The following LRCH3 variants were observed in gnomAD, a reference collection of about 807,000 sequenced individuals.
The protein encoded by LRCH3 is DISP complex protein LRCH3.
Under a neutral mutation model 104.5 loss-of-function variants are expected in LRCH3, and 68 were observed. The observed-to-expected ratio is 0.65, with a 90% confidence interval of 0.54 to 0.80. The LOEUF (loss-of-function observed/expected upper bound fraction) is 0.80, where lower values mean the gene tolerates loss of function less well. LRCH3 is among the 30% of genes least tolerant of loss of function. LRCH3 has a pLI of 0.00. For synonymous variants in LRCH3, 344 were observed against 361.3 expected (o/e 0.95, Z 0.54); for missense variants, 951 against 953.9 (o/e 1.00, Z 0.04).
chr3:197,845,557 A>G (rs932838911), intron 10 of LRCH3, among the ~76,000 whole-genome samples: 42 of 152,030 alleles, frequency 2.8e-4, no homozygotes, highest in Non-Finnish European at 5.9e-5. Context: ...TTCAAGCAAT[A>G]TTTCTTAAGC....
chr3:197,826,541 A>G (rs1050447611), intron 4 of LRCH3, among the ~76,000 whole-genome samples: 6 of 152,154 alleles, frequency 3.9e-5, no homozygotes, highest in Non-Finnish European at 5.9e-5. Flanking sequence ...GGGGCTGTTG[A>G]CCCAGGCATT....
At chr3:197,847,338 T>G in intron 10 of LRCH3, 71 bp from the exon 11 acceptor site, 1 of 1,380,164 alleles carries the variant, frequency 7.2e-7, no homozygotes, top group Non-Finnish European at 1.0e-6. Flanking sequence ...AAAAATTTCA[T>G]TTGTTTTTTA....
At chr3:197,813,610 A>G (rs6583265) in intron 1 of LRCH3, among the ~76,000 whole-genome samples, 130,390 of 148,350 alleles carry the variant, frequency 0.88, 57,265 homozygotes, top group East Asian at 0.99. Flanking sequence ...TGCTCACTGC[A>G]ACCTCTGCCT....
chr3:197,834,958 A>C (rs965618712), intron 8 of LRCH3, among the ~76,000 whole-genome samples: 3 of 152,182 alleles, frequency 2.0e-5, no homozygotes, highest in Non-Finnish European at 2.9e-5. Flanking sequence ...AGCCTGGCCA[A>C]CATGGTGAAA....
rs1560582941 is a variant in LRCH3, at chr3:197,854,382, ATC to A, written c.1591-5_1591-4del. 3.1e-6 allele frequency: 5 copies of A among 1,613,718 alleles called. No individual in the cohort carries two copies. The South Asian group carries it at 5.5e-5, about 18-fold the overall frequency. On this transcript the variant is annotated splice_region_variant and splice_polypyrimidine_tract_variant and intron_variant, in intron 13 of 20. Coordinates refer to ENST00000425562, the MANE Select transcript of LRCH3 (RefSeq NM_001365715.1). This position sits in a 1 kb window ranked among gnomAD's most constrained non-coding sequence, Gnocchi z 4.5. ...TTCTGACATGGCTTCATTTTTCTCC[ATC>A]TCTCCAGTGCCCCTTCCCATCCAGA...
intron 3 of LRCH3, among the ~76,000 whole-genome samples, chr3:197,819,534 G>C (rs1734248087): frequency 6.6e-6 from 1 of 151,750 alleles, no homozygotes. Context: ...TGGTCAACAT[G>C]ATGAAACCCC....
chr3:197,882,205 C>T, intron 20 of LRCH3: 1 of 985,416 alleles, frequency 1.0e-6, no homozygotes. Context: ...ACCGGCCGCG[C>T]AGGTCCTAGG....
intron 18 of LRCH3, 21 bp downstream of exon 18, chr3:197,870,299 T>A: frequency 1.9e-6 from 3 of 1,605,272 alleles, no homozygotes; most frequent in Non-Finnish European, 2.6e-6. Flanking sequence ...TACCTTTGAT[T>A]TACACTTTTT....
rs552680499 is a variant in LRCH3 at position 197,815,864 on chromosome 3, G to T, written c.407+812G>T. 2.0e-5 allele frequency among the ~76,000 whole-genome samples: 3 copies of T among 152,266 alleles called. No individual in the cohort carries two copies. The South Asian group carries it at 6.2e-4, about 31-fold the overall frequency. On this transcript the variant is annotated intron_variant, in intron 2 of 20. Transcript: ENST00000425562. Reference sequence around the variant, plus strand: ...AAATATAAAGGAAATTCATCAAAATGTATCTTAATTTTATAAGTGATCTTT... The same window carrying T: ...AAATATAAAGGAAATTCATCAAAATTTATCTTAATTTTATAAGTGATCTTT...
chr3:197,886,986 A>G lies in LRCH3; in HGVS notation c.*3320A>G, dbSNP rs551891395. ...TATGAAACCTTATTAATGTATTTTT[A>G]TCAAACTAAATCAGATTTGTATTTG... On this transcript the variant is annotated 3_prime_UTR_variant, in exon 21 of 21. Coordinates refer to ENST00000425562, the MANE Select transcript of LRCH3 (RefSeq NM_001365715.1). 2 of 152,334 alleles carry G rather than the reference A, an allele frequency of 1.3e-5. No individual in the cohort carries two copies. Among genetic ancestry groups the G allele is most frequent in the East Asian group, 3.9e-4 (2 of 5,188 alleles). The allele number at this position is 152,334 out of a possible 1,614,324, so 9.4% of individuals were successfully genotyped here. A position where few individuals can be genotyped will look rare whatever the true frequency, so the allele number is the denominator to read the frequency against.
intron 5 of LRCH3, among the ~76,000 whole-genome samples, chr3:197,828,076 C>CA (rs11396052): frequency 0.87 from 111,903 of 129,218 alleles, 48,094 homozygotes; most frequent in East Asian, 0.93. Context: ...GACTCCGTCT[C>CA]AAAAAAAAAA....
At chr3:197,866,014 T>C in intron 16 of LRCH3, 98 bp from the exon 17 acceptor site, 1 of 854,740 alleles carries the variant, frequency 1.2e-6, no homozygotes, top group South Asian at 1.5e-5. Context: ...TTTATATCAT[T>C]GCCATGTTTA....
At chr3:197,821,801 G>A (rs914466385) in intron 4 of LRCH3, among the ~76,000 whole-genome samples, 1 of 152,202 alleles carries the variant, frequency 6.6e-6, no homozygotes. Flanking sequence ...CAGCCTCCCA[G>A]GTAGCTTAGA....
At chr3:197,793,574 G>C (rs2109082987) in intron 1 of LRCH3, among the ~76,000 whole-genome samples, 1 of 152,308 alleles carries the variant, frequency 6.6e-6, no homozygotes, top group Non-Finnish European at 1.5e-5. Flanking sequence ...CTTTTCAGTA[G>C]GTCTAGGAGC....
chr3:197,848,667 T>C (rs1201130711), intron 12 of LRCH3, among the ~76,000 whole-genome samples: 2 of 152,244 alleles, frequency 1.3e-5, no homozygotes, highest in African/African-American at 4.8e-5. Flanking sequence ...GTAAGAACCA[T>C]GTCTGTTTTA....
At chr3:197,870,112 C>T (rs752273664) in intron 17 of LRCH3, 48 bp from the exon 18 acceptor site, 13 of 1,596,324 alleles carry the variant, frequency 8.1e-6, no homozygotes, top group Non-Finnish European at 1.1e-5. Flanking sequence ...GGATGTTCTC[C>T]TAGCACTGCC....
rs554594974 is a variant in LRCH3, at chr3:197,833,727, C to T, written c.1102+1410C>T. Among the ~76,000 whole-genome samples the T allele has an allele frequency of 1.2e-4, 19 of 152,226 alleles. 1 individual carries two copies. In the South Asian group the frequency reaches 3.9e-3, roughly 32 times the overall value. ...ATTAAAGTTAATGCTGCCTCTTTTACTTTAAAAAATATGGCTACTAGAAAA... is the reference window on the plus strand; with the variant it reads ...ATTAAAGTTAATGCTGCCTCTTTTATTTTAAAAAATATGGCTACTAGAAAA... On this transcript the variant is annotated intron_variant, in intron 8 of 20. Transcript: ENST00000425562.
At chr3:197,850,302 A>C in intron 12 of LRCH3, 38 of 614,178 alleles carry the variant, frequency 6.2e-5, no homozygotes, top group Non-Finnish European at 6.5e-5. Context: ...AGTACATTAT[A>C]TATATTTACT....
intron 10 of LRCH3, among the ~76,000 whole-genome samples, chr3:197,843,350 G>A (rs972599349): frequency 1.1e-4 from 17 of 151,990 alleles, no homozygotes; most frequent in African/African-American, 4.1e-4. Flanking sequence ...ATACTGGCCA[G>A]GTGTAATACA....
Sources: gnomAD v4.1 joint callset for allele counts (sites outside exome capture counted in the v4.1 genomes callset) on GRCh38, gnomAD v4.1.1 for gene constraint, Gnocchi (gnomAD v3.1) non-coding constraint, MANE v1.5 for transcripts, NCBI Gene and HGNC (gene_info 2026-07-23, HGNC 2026-07-21) for gene names.